The following FAT1 variants were observed in gnomAD, a reference collection of about 807,000 sequenced individuals.
FAT1 encodes protocadherin Fat 1.
Under a neutral mutation model 329.8 loss-of-function variants are expected in FAT1, and 171 were observed. The observed-to-expected ratio is 0.52, with a 90% CI of 0.46 to 0.59. FAT1 has a LOEUF of 0.59. Ranked by LOEUF, FAT1 falls within the 20% of genes least tolerant of loss-of-function variation. The pLI, the probability that FAT1 is intolerant of heterozygous loss-of-function variation, is 0.00. For missense variants in FAT1, 5,672 were observed against 5,774.4 expected (o/e 0.98, Z 0.57); for synonymous variants, 2,233 against 2,228.6 (o/e 1.00, Z -0.06).
At position 186,603,393 on chromosome 4, in the gene FAT1, A is replaced by T. The variant is rs2126427568; in HGVS notation, c.11133T>A (p.Leu3711=). ...TCACGGAAGAGTTAATCTTGTGCAG[A>T]AGTTGTTTTGTTGAGATCTGAGCAC... ...PGSAQISTKQ[L]LHKINSSVTD... The change falls in exon 19 of 27, where the codon CTT becomes CTA. Residue 3711 remains leucine (L), a synonymous_variant. Transcript: ENST00000441802. 2 of 1,613,964 alleles carry T rather than the reference A, an allele frequency of 1.2e-6. No homozygotes were observed. Among genetic ancestry groups the T allele is most frequent in the Middle Eastern group, 1.6e-4 (1 of 6,062 alleles).
intron 17 of FAT1, 91 bp from the exon 18 acceptor site, chr4:186,604,665 A>G (rs1214279793): frequency 3.7e-6 from 3 of 800,466 alleles, no homozygotes; most frequent in Non-Finnish European, 5.8e-6. Context: ...ATAATATAAA[A>G]TACATACAAA....
intron 26 of FAT1, among the ~76,000 whole-genome samples, chr4:186,595,199 C>T (rs560020195): frequency 5.9e-5 from 9 of 152,138 alleles, no homozygotes; most frequent in South Asian, 2.1e-4. Flanking sequence ...GAGCTGGGGC[C>T]GCAGTGGGGT....
chr4:186,595,189 G>A (rs1451544104), intron 26 of FAT1, among the ~76,000 whole-genome samples: 1 of 152,108 alleles, frequency 6.6e-6, no homozygotes, highest in Non-Finnish European at 1.5e-5. Context: ...ATCCAAATGG[G>A]AGCTGGGGCC....
chr4:186,724,802 A>G (rs1426156969), upstream of FAT1, among the ~76,000 whole-genome samples: 7 of 152,208 alleles, frequency 4.6e-5, no homozygotes, highest in Non-Finnish European at 1.0e-4. The surrounding 1 kb of genome is among the most constrained non-coding windows in gnomAD (Gnocchi z 5.3). Flanking sequence ...GGCGGACTTG[A>G]TCTCGGAAAG....
intron 2 of FAT1, among the ~76,000 whole-genome samples, chr4:186,701,416 G>C (rs753546394): frequency 2.0e-4 from 31 of 152,186 alleles, no homozygotes; most frequent in Non-Finnish European, 4.3e-4. Flanking sequence ...GCTTTCCTAG[G>C]AGGAGAACAT....
At chr4:186,639,081 A>T (rs1380294164) in intron 4 of FAT1, among the ~76,000 whole-genome samples, 3 of 152,252 alleles carry the variant, frequency 2.0e-5, no homozygotes, top group Non-Finnish European at 4.4e-5. Flanking sequence ...AATACATGAT[A>T]ACAAGCTGTG....
At chr4:186,628,009 C>A (rs1579349484) in intron 9 of FAT1, 145 bp downstream of exon 9, 1 of 871,334 alleles carries the variant, frequency 1.1e-6, no homozygotes, top group East Asian at 2.7e-5. Flanking sequence ...TTTCTCCTAA[C>A]ATGTAAAATT....
At chr4:186,719,682 T>C (rs327102) in intron 1 of FAT1, among the ~76,000 whole-genome samples, 40,981 of 152,138 alleles carry the variant, frequency 0.27, 7,434 homozygotes, top group African/African-American at 0.51. Context: ...CTTTCGACTC[T>C]ATGTATTCGA....
At position 186,707,148 on chromosome 4, in the gene FAT1, T is replaced by C. The variant is rs1379313671; in HGVS notation, c.2680A>G (p.Lys894Glu). 6.2e-7 allele frequency: 1 copy of C among 1,613,896 alleles called. No individual in the cohort carries two copies. The highest frequency in any genetic ancestry group is 8.5e-7 in the Non-Finnish European group (1 of 1,179,868). ...DRELQHEHSL[K>E]IEARDQAREE... ...CTGGCTTGGTCCCTGGCCTCAATCT[T>C]TAAGGAGTGCTCATGCTGCAGCTCT... Residue 894 changes from lysine (K) to glutamate (E), a missense_variant, in exon 2 of 27, where the codon AAG becomes GAG. Around this residue, in one of 2 missense-constraint regions of FAT1, gnomAD observed 3,966 missense variants for 3,915.2 expected, o/e 1.01. Transcript: ENST00000441802.
rs1301910607 is a variant in FAT1, at chr4:186,587,925, A to C, written c.*667T>G. ...CTGTGTCATGGTGGTTTTGGTTCTA[A>C]ACAGGTATGCAGAAGGTCCCCGTTA... On this transcript the variant is annotated 3_prime_UTR_variant, in exon 27 of 27. Transcript: ENST00000441802. The C allele has an allele frequency of 4.6e-6, 1 of 218,560 alleles. No homozygotes were observed. Among genetic ancestry groups the C allele is most frequent in the Non-Finnish European group, 9.2e-6 (1 of 108,802 alleles). The allele number at this position is 218,560 out of a possible 1,614,324, so 13.5% of individuals were successfully genotyped here.
At chr4:186,695,789 AC>A (rs1744002937) in intron 2 of FAT1, among the ~76,000 whole-genome samples, 1 of 151,672 alleles carries the variant, frequency 6.6e-6, no homozygotes, top group African/African-American at 2.4e-5. Flanking sequence ...ACACACACAC[AC>A]ACACACACAC....
At chr4:186,661,861 C>T (rs1223413332) in intron 3 of FAT1, among the ~76,000 whole-genome samples, 3 of 151,970 alleles carry the variant, frequency 2.0e-5, no homozygotes, top group Non-Finnish European at 2.9e-5. Flanking sequence ...TCAGAGGCCT[C>T]GGCTTGCAAC....
At chr4:186,639,491 G>A (rs1198017291) in intron 4 of FAT1, among the ~76,000 whole-genome samples, 3 of 152,164 alleles carry the variant, frequency 2.0e-5, no homozygotes, top group Non-Finnish European at 2.9e-5. Context: ...ATCTGAATCC[G>A]GCCCATGACA....
chr4:186,660,523 T>C lies in FAT1; in HGVS notation c.3580+2776A>G, dbSNP rs1424103356. Among the ~76,000 whole-genome samples, 3 of 152,352 alleles carry C rather than the reference T, an allele frequency of 2.0e-5. No homozygotes were observed. In the East Asian group the frequency reaches 5.8e-4, roughly 29 times the overall value. ...GTGTACTAACTATGGTATCCTCCAC[T>C]ATTACCTGACTTCAACTCATAAGGA... On this transcript the variant is annotated intron_variant, in intron 3 of 26. Coordinates refer to ENST00000441802, the MANE Select transcript of FAT1 (RefSeq NM_005245.4).
rs1395754045 is a variant in FAT1, at chr4:186,618,222, C to G, written c.8364G>C (p.Glu2788Asp). 1.2e-6 allele frequency: 2 copies of G among 1,613,914 alleles called. No homozygotes were observed. Among genetic ancestry groups the G allele is most frequent in the Non-Finnish European group, 8.5e-7 (1 of 1,179,914 alleles). ...TACTAACATCTACAGAAGCCACCAT[C>G]TCATGGTCATCTTGAGTGCACCTGG... ...ILARCTQDDH[E>D]MVASVDVSIQ... The change falls in exon 10 of 27, where the codon GAG becomes GAC. Residue 2788 changes from glutamate to aspartate, a missense_variant. Glu to Asp is a conservative substitution (Grantham distance 45, BLOSUM62 2). Coordinates refer to ENST00000441802, the MANE Select transcript of FAT1 (RefSeq NM_005245.4).
chr4:186,601,482 A>T, intron 20 of FAT1, 56 bp from the exon 21 acceptor site: 1 of 1,492,652 alleles, frequency 6.7e-7, no homozygotes, highest in African/African-American at 1.4e-5. Flanking sequence ...CATATTTTTT[A>T]AAGTATGACT....
Position 186,609,319 on chromosome 4 carries a change from AC to A in FAT1, c.10069del (p.Val3357LeufsTer19). ...AGGTCCATCGGCATCATCGGCCATA[AC>A]CTAGAACACACCACACTCCTGTTTA... Reference protein sequence around the residue: ...DAVLEQSVITVMADDADGPSN... With the variant: ...DAVLEQSVITXMADDADGPSN... On this transcript the variant is annotated frameshift_variant and splice_region_variant, in exon 16 of 27. Transcript: ENST00000441802. LOFTEE classifies it high-confidence loss of function. 6.2e-7 allele frequency: 1 copy of A among 1,613,758 alleles called. No homozygotes were observed. The highest frequency in any genetic ancestry group is 8.5e-7 in the Non-Finnish European group (1 of 1,179,794).
intron 3 of FAT1, among the ~76,000 whole-genome samples, chr4:186,643,038 G>C (rs1741174500): frequency 6.6e-6 from 1 of 152,206 alleles, no homozygotes; most frequent in Non-Finnish European, 1.5e-5. Context: ...AGAAGACGAA[G>C]ATGTAGACTT....
chr4:186,588,339 G>A lies in FAT1; in HGVS notation c.*253C>T, dbSNP rs766292276. The A allele has an allele frequency of 2.8e-5, 13 of 456,650 alleles. No homozygotes were observed. The highest frequency in any genetic ancestry group is 1.0e-4 in the South Asian group (2 of 19,820). 28.3% of individuals were successfully genotyped at this position (456,650 alleles called of 1,614,324 possible). A position where few individuals can be genotyped will look rare whatever the true frequency, so the allele number is the denominator to read the frequency against. ...GCTGACAACACAGGACTGATTTTTC[G>A]TTTGATTATTTTAACACAGACAGAT... On this transcript the variant is annotated 3_prime_UTR_variant, in exon 27 of 27. Transcript: ENST00000441802.
Sources: allele counts gnomAD v4.1 joint callset (sites outside exome capture counted in the v4.1 genomes callset), GRCh38; gene constraint gnomAD v4.1.1; regional missense constraint gnomAD v4.1.1; non-coding constraint Gnocchi (gnomAD v3.1); transcripts MANE v1.5; gene names NCBI Gene and HGNC (gene_info 2026-07-23, HGNC 2026-07-21).